DNAH11: variants seen among roughly 807,000 people sequenced by gnomAD.
DNAH11 encodes dynein axonemal heavy chain 11.
Under a neutral mutation model 526.0 loss-of-function variants are expected in DNAH11, and 442 were observed. That is an observed-to-expected ratio of 0.84 (90% CI 0.78 to 0.91). The LOEUF is 0.91. Among genes scored for constraint, DNAH11 ranks in the 40% least tolerant of loss-of-function variants. The pLI, the probability that DNAH11 is intolerant of heterozygous loss-of-function variation, is 0.00. For missense variants in DNAH11, 6,989 were observed against 5,448.7 expected (o/e 1.28, Z -8.90); for synonymous variants, 2,461 against 1,935.9 (o/e 1.27, Z -7.12).
At chr7:21,560,489 C>G (rs2128431607) in intron 4 of DNAH11, among the ~76,000 whole-genome samples, 1 of 152,312 alleles carries the variant, frequency 6.6e-6, no homozygotes, top group Admixed American at 6.5e-5. Context: ...AGCCTTCAGT[C>G]TGTGGCCAAA....
chr7:21,894,958 G>C lies in DNAH11; in HGVS notation c.13008G>C (p.Trp4336Cys), dbSNP rs1162823375. The C allele has an allele frequency of 1.2e-6, 2 of 1,613,856 alleles. No individual in the cohort carries two copies. Among genetic ancestry groups the C allele is most frequent in the Admixed American group, 3.3e-5 (2 of 60,000 alleles). Residue 4336 changes from tryptophan (W) to cysteine (C), a missense_variant, in exon 79 of 82, where the codon TGG becomes TGC. By Grantham distance (215) the Trp-to-Cys change is radical. Coordinates refer to ENST00000409508, the MANE Select transcript of DNAH11 (RefSeq NM_001277115.2). ...ALSYDTVPDT[W>C]SKLAYPSTYG... ...GTTATGACACGGTACCAGACACTTG[G>C]AGCAAACTGGCTTATCCTTCTACTT...
In DNAH11 at chr7:21,655,844, C is replaced by T. The variant is rs1022623191; in HGVS notation, c.4957C>T (p.Leu1653Phe). 1.9e-5 allele frequency: 30 copies of T among 1,612,716 alleles called. No individual in the cohort carries two copies. The highest frequency in any genetic ancestry group is 2.5e-5 in the Non-Finnish European group (30 of 1,179,342). ...GAQPKQVTCH[L>F]AKLFDSIADL... Reference sequence around the variant, plus strand: ...ATTCTCATTTTAGGTAACATGTCACCTTGCCAAACTTTTCGACAGCATTGC... The same window carrying T: ...ATTCTCATTTTAGGTAACATGTCACTTTGCCAAACTTTTCGACAGCATTGC... The change falls in exon 29 of 82, where the codon CTT becomes TTT. Residue 1653 changes from leucine (L) to phenylalanine (F), a missense_variant. Leu to Phe is a conservative substitution (Grantham distance 22, BLOSUM62 0). Transcript: ENST00000409508.
intron 37 of DNAH11, chr7:21,703,324 T>C (rs1330629272): frequency 6.4e-6 from 1 of 157,396 alleles, no homozygotes; most frequent in Non-Finnish European, 1.4e-5. Flanking sequence ...CAACACTTCA[T>C]GAATTTTTCC....
At chr7:21,623,276 C>T (rs1466155830) in intron 25 of DNAH11, among the ~76,000 whole-genome samples, 1 of 151,750 alleles carries the variant, frequency 6.6e-6, no homozygotes, top group Admixed American at 6.6e-5. Context: ...TACCATCTCA[C>T]ACCAGTTAGA....
chr7:21,842,841 C>T, intron 66 of DNAH11, 93 bp downstream of exon 66: 1 of 1,116,604 alleles, frequency 9.0e-7, no homozygotes, highest in Non-Finnish European at 1.2e-6. Context: ...AGGATTCCTG[C>T]CCTCTAGAAT....
chr7:21,818,365 A>C, intron 65 of DNAH11, 26 bp downstream of exon 65: 1 of 1,597,800 alleles, frequency 6.3e-7, no homozygotes, highest in Non-Finnish European at 8.5e-7. Context: ...TTTTTAACAT[A>C]TATATCTTGC....
intron 5 of DNAH11, 47 bp downstream of exon 5, chr7:21,561,217 A>G (rs1562661620): frequency 7.2e-7 from 1 of 1,383,168 alleles, no homozygotes; most frequent in East Asian, 2.5e-5. Flanking sequence ...CCATCTGCTC[A>G]TGATCCAGCC....
chr7:21,600,991 A>G lies in DNAH11; in HGVS notation c.3256-19A>G. ...GGCTTTTCACTGAGTTGTTCTAATTAATCTTTTTCTCACTACAGATTGACA... is the reference window on the plus strand; with the variant it reads ...GGCTTTTCACTGAGTTGTTCTAATTGATCTTTTTCTCACTACAGATTGACA... On this transcript the variant is annotated intron_variant, in intron 16 of 81. Coordinates refer to ENST00000409508, the MANE Select transcript of DNAH11 (RefSeq NM_001277115.2). 1.2e-6 allele frequency: 2 copies of G among 1,609,996 alleles called. No individual in the cohort carries two copies. The highest frequency in any genetic ancestry group is 1.7e-6 in the Non-Finnish European group (2 of 1,179,016).
chr7:21,735,603 C>G, intron 45 of DNAH11, 37 bp from the exon 46 acceptor site: 1 of 1,545,574 alleles, frequency 6.5e-7, no homozygotes, highest in Non-Finnish European at 8.8e-7. Flanking sequence ...CTCTCTCTCT[C>G]TTTCTGATCT....
intron 61 of DNAH11, among the ~76,000 whole-genome samples, chr7:21,797,536 A>G (rs1788774057): frequency 6.7e-6 from 1 of 148,652 alleles, no homozygotes; most frequent in African/African-American, 2.6e-5. Context: ...TATTTTTTCT[A>G]GTACATGTAC....
chr7:21,622,625 G>A (rs1264720030), intron 25 of DNAH11, among the ~76,000 whole-genome samples: 2 of 151,998 alleles, frequency 1.3e-5, no homozygotes, highest in Non-Finnish European at 2.9e-5. Flanking sequence ...AACAGATATA[G>A]ATCAATGGAA....
rs578089409 is a variant in DNAH11, at chr7:21,670,724, G to C, written c.5329-10822G>C. 3.9e-5 allele frequency among the ~76,000 whole-genome samples: 6 copies of C among 152,254 alleles called. No individual in the cohort carries two copies. In the East Asian group the frequency reaches 1.2e-3, roughly 29 times the overall value. ...TTCCATTACCACATGCAGAGAGTTT[G>C]CATCTTAAATCAGCATTGAGCTTTC... On this transcript the variant is annotated intron_variant, in intron 30 of 81. Transcript: ENST00000409508.
intron 76 of DNAH11, among the ~76,000 whole-genome samples, chr7:21,884,906 G>A (rs1471487922): frequency 6.6e-6 from 1 of 152,080 alleles, no homozygotes; most frequent in Non-Finnish European, 1.5e-5. Context: ...AGTTGGACCA[G>A]TATCAGTTAC....
chr7:21,677,272 C>T (rs1299685581), intron 30 of DNAH11, among the ~76,000 whole-genome samples: 1 of 148,190 alleles, frequency 6.7e-6, no homozygotes, highest in Non-Finnish European at 1.5e-5. Context: ...GCATTGACAT[C>T]ATCATTCAAA....
rs1205234077 is a variant in DNAH11, at chr7:21,707,733, T to C, written c.6581T>C (p.Met2194Thr). The C allele has an allele frequency of 1.2e-6, 2 of 1,613,426 alleles. No individual in the cohort carries two copies. Among genetic ancestry groups the C allele is most frequent in the Non-Finnish European group, 1.7e-6 (2 of 1,179,614 alleles). ...LRTLNRTYVN[M>T]KQKPVWNDLN... ...ACACTGAACCGAACATATGTTAACA[T>C]GAAACAGAAGCCGGTTTGGAATGAC... The change falls in exon 40 of 82, where the codon ATG (methionine) becomes ACG (threonine). Residue 2194 changes from methionine (M) to threonine (T), a missense_variant. Transcript: ENST00000409508.
chr7:21,778,099 A>G (rs982878255), intron 56 of DNAH11, among the ~76,000 whole-genome samples: 6 of 152,148 alleles, frequency 3.9e-5, no homozygotes, highest in African/African-American at 1.2e-4. Context: ...TTTTTTCTCT[A>G]GTACCTCACT....
At chr7:21,870,231 C>T (rs938823568) in intron 73 of DNAH11, among the ~76,000 whole-genome samples, 10 of 152,160 alleles carry the variant, frequency 6.6e-5, no homozygotes, top group Admixed American at 5.9e-4. Context: ...AAATAGCCAC[C>T]CTCATGCAAG....
intron 74 of DNAH11, among the ~76,000 whole-genome samples, chr7:21,878,811 C>G (rs1444640110): frequency 6.6e-6 from 1 of 152,122 alleles, no homozygotes; most frequent in Non-Finnish European, 1.5e-5. Flanking sequence ...CTCTGGAAGA[C>G]TAGGTCTGAA....
intron 53 of DNAH11, among the ~76,000 whole-genome samples, 188 bp from the exon 54 acceptor site, chr7:21,750,034 G>A (rs1016146369): frequency 6.6e-6 from 1 of 152,106 alleles, no homozygotes; most frequent in African/African-American, 2.4e-5. Flanking sequence ...TAGAGGGTGT[G>A]TTCACCATGG....
Sources: allele counts gnomAD v4.1 joint callset (sites outside exome capture counted in the v4.1 genomes callset), GRCh38; gene constraint gnomAD v4.1.1; transcripts MANE v1.5; gene names NCBI Gene and HGNC (gene_info 2026-07-23, HGNC 2026-07-21).